Variants in VWA3A observed in about 807,000 individuals in gnomAD.
The protein encoded by VWA3A is von Willebrand factor A domain containing 3A.
In VWA3A, 134 loss-of-function variants were observed where a neutral mutation model predicts 160.4. That is an observed-to-expected ratio of 0.84 (90% confidence interval 0.73 to 0.96). The LOEUF (loss-of-function observed/expected upper bound fraction) is 0.96, where lower values mean the gene tolerates loss of function less well. Among genes scored for constraint, VWA3A ranks in the 40% least tolerant of loss-of-function variants. The pLI is 0.00. For synonymous variants in VWA3A, 476 were observed against 543.4 expected (o/e 0.88, Z 1.72); for missense variants, 1,310 against 1,447.9 (o/e 0.90, Z 1.55).
intron 1 of VWA3A, among the ~76,000 whole-genome samples, chr16:22,093,776 T>C (rs1326304479): frequency 6.6e-6 from 1 of 152,104 alleles, no homozygotes; most frequent in Non-Finnish European, 1.5e-5. Flanking sequence ...TGTTTGTTCG[T>C]TTGTTTGAGA....
chr16:22,119,850 T>C (rs2045703902), intron 12 of VWA3A, among the ~76,000 whole-genome samples: 1 of 151,932 alleles, frequency 6.6e-6, no homozygotes, highest in Admixed American at 6.6e-5. Context: ...AAACCTCGTC[T>C]CTACTAAAAA....
rs1286512158 is a variant in VWA3A, at chr16:22,116,785, C to G, written c.842C>G (p.Ser281Cys). 6.2e-7 allele frequency: 1 copy of G among 1,613,492 alleles called. No homozygotes were observed. Among genetic ancestry groups the G allele is most frequent in the Non-Finnish European group, 8.5e-7 (1 of 1,179,882 alleles). The change falls in exon 10 of 34, where the codon TCT (serine) becomes TGT (cysteine). Residue 281 changes from serine to cysteine, a missense_variant. Ser to Cys is a moderately radical substitution (Grantham distance 112, BLOSUM62 -1). Coordinates refer to ENST00000389398, the MANE Select transcript of VWA3A (RefSeq NM_173615.5). Reference protein sequence around the residue: ...SCPDQPSEILSDYIQQSTMGR... With the variant: ...SCPDQPSEILCDYIQQSTMGR... ...CCAGATCAGCCTTCTGAAATCCTGT[C>G]TGACTACATCCAGCAGTCCACCATG...
intron 16 of VWA3A, 76 bp from the exon 17 acceptor site, chr16:22,126,102 T>C: frequency 1.9e-6 from 3 of 1,589,628 alleles, no homozygotes; most frequent in South Asian, 1.1e-5. Context: ...AAAAAAACTT[T>C]AAATAGTAAA....
chr16:22,121,610 TC>T lies in VWA3A; in HGVS notation c.1351del (p.His451MetfsTer5). ...PILQKTVSSTIHEKAMIQFEW... is the reference protein window; with the variant it reads ...PILQKTVSSTXHEKAMIQFEW... ...CTCCAGAAAACAGTATCATCGACCA[TC>T]CATGAGGTAATTCAGATTCATAATT... On this transcript the variant is annotated frameshift_variant, in exon 14 of 34. Coordinates refer to ENST00000389398, the MANE Select transcript of VWA3A (RefSeq NM_173615.5). LOFTEE classifies it high-confidence loss of function. The T allele has an allele frequency of 6.2e-7, 1 of 1,610,326 alleles. No individual in the cohort carries two copies. The highest frequency in any genetic ancestry group is 8.5e-7 in the Non-Finnish European group (1 of 1,176,774).
Position 22,150,742 on chromosome 16 carries a change from C to A in VWA3A, c.3177C>A (p.Asp1059Glu), listed in dbSNP as rs767703675. The A allele has an allele frequency of 6.2e-7, 1 of 1,612,252 alleles. No homozygotes were observed. The highest frequency in any genetic ancestry group is 8.5e-7 in the Non-Finnish European group (1 of 1,179,138). ...HDLEGLYLLTDGKPDTSCSLV... is the reference protein window; with the variant it reads ...HDLEGLYLLTEGKPDTSCSLV... Reference sequence around the variant, plus strand: ...TGGAAGGATTGTACCTCCTGACCGACGGAAAGCCAGACACAAGCTGCAGCC... The same window carrying A: ...TGGAAGGATTGTACCTCCTGACCGAAGGAAAGCCAGACACAAGCTGCAGCC... Residue 1059 changes from aspartate (D) to glutamate (E), a missense_variant, in exon 30 of 34, where the codon GAC becomes GAA. Transcript: ENST00000389398.
chr16:22,108,232 C>G (rs1274236430), intron 6 of VWA3A, among the ~76,000 whole-genome samples: 1 of 152,072 alleles, frequency 6.6e-6, no homozygotes, highest in Non-Finnish European at 1.5e-5. Flanking sequence ...ACTGAGAGAT[C>G]TATATCTTTT....
intron 29 of VWA3A, among the ~76,000 whole-genome samples, chr16:22,150,237 A>G (rs1567227375): frequency 6.6e-6 from 1 of 152,096 alleles, no homozygotes; most frequent in Non-Finnish European, 1.5e-5. Context: ...CCCCGTCTCT[A>G]CTAAATACAA....
rs1437113972 is a variant in VWA3A, at chr16:22,154,939, C to T, written c.3406-628C>T. On this transcript the variant is annotated intron_variant, in intron 31 of 33. Coordinates refer to ENST00000389398, the MANE Select transcript of VWA3A (RefSeq NM_173615.5). ...ACTGCAGTCCGCAGTCCGGCCTGGG[C>T]GACAGAGCGAGACTCCGTCTCAAAA... 4.5e-5 allele frequency among the ~76,000 whole-genome samples: 5 copies of T among 110,230 alleles called. No individual in the cohort carries two copies. The South Asian group carries it at 9.7e-4, about 21-fold the overall frequency. The allele number at this position is 110,230 out of a possible 152,430, so 72.3% of individuals were successfully genotyped here. A position where few individuals can be genotyped will look rare whatever the true frequency, so the allele number is the denominator to read the frequency against.
chr16:22,092,672 G>A (rs1004664565), intron 1 of VWA3A, 21 bp downstream of exon 1: 1 of 1,550,646 alleles, frequency 6.4e-7, no homozygotes, highest in Non-Finnish European at 8.7e-7. Flanking sequence ...GCATCACAAG[G>A]GTTGACAGGG....
At chr16:22,138,284 C>T (rs1225127749) in intron 21 of VWA3A, 76 bp from the exon 22 acceptor site, 82 of 1,448,718 alleles carry the variant, frequency 5.7e-5, no homozygotes, top group Non-Finnish European at 7.4e-5. Flanking sequence ...GGATACAGTC[C>T]CTCCTGCTGT....
intron 25 of VWA3A, 148 bp downstream of exon 25, chr16:22,142,913 G>A: frequency 1.6e-6 from 1 of 609,714 alleles, no homozygotes; most frequent in Non-Finnish European, 2.9e-6. Flanking sequence ...CACTTTGGGA[G>A]GCTGAGGTGG....
chr16:22,096,469 A>T (rs769592656), intron 1 of VWA3A, among the ~76,000 whole-genome samples: 3 of 152,128 alleles, frequency 2.0e-5, no homozygotes, highest in Non-Finnish European at 4.4e-5. Flanking sequence ...ATAAAATTTT[A>T]AAAATGGCCG....
chr16:22,126,321 G>A, intron 17 of VWA3A, 24 bp downstream of exon 17: 1 of 1,606,296 alleles, frequency 6.2e-7, no homozygotes, highest in South Asian at 1.1e-5. Context: ...GGCTCCTGGG[G>A]GCAAGGGTGG....
At chr16:22,155,026 T>C (rs535327006) in intron 31 of VWA3A, among the ~76,000 whole-genome samples, 5 of 132,026 alleles carry the variant, frequency 3.8e-5, no homozygotes, top group Non-Finnish European at 7.9e-5. Context: ...TGGTGGCACA[T>C]GCCTGTGGTC....
intron 21 of VWA3A, among the ~76,000 whole-genome samples, chr16:22,136,415 T>C (rs866960773): frequency 6.6e-6 from 1 of 151,888 alleles, no homozygotes; most frequent in Non-Finnish European, 1.5e-5. Flanking sequence ...GCCTGTGAGA[T>C]AACAAGTGAG....
chr16:22,155,999 C>A, intron 33 of VWA3A, 33 bp from the exon 34 acceptor site: 2 of 1,450,988 alleles, frequency 1.4e-6, no homozygotes, highest in East Asian at 4.6e-5. Context: ...TCAATAATAA[C>A]TTTGGTTAAA....
intron 8 of VWA3A, among the ~76,000 whole-genome samples, chr16:22,111,596 C>T (rs2045552300): frequency 6.6e-6 from 1 of 152,166 alleles, no homozygotes; most frequent in African/African-American, 2.4e-5. Flanking sequence ...ATTCTCATGC[C>T]TCAGCCTCCT....
intron 17 of VWA3A, among the ~76,000 whole-genome samples, chr16:22,130,004 G>A (rs2045921320): frequency 6.6e-6 from 1 of 152,080 alleles, no homozygotes; most frequent in South Asian, 2.1e-4. Flanking sequence ...CCTGGCCGAC[G>A]TGGTGAAACC....
At chr16:22,107,208 G>T (rs762471276) in intron 6 of VWA3A, among the ~76,000 whole-genome samples, 3 of 152,174 alleles carry the variant, frequency 2.0e-5, no homozygotes, top group Non-Finnish European at 2.9e-5. Context: ...TCCACCAGGG[G>T]TGATTTTGCC....
Sources: gnomAD v4.1 joint callset for allele counts (sites outside exome capture counted in the v4.1 genomes callset) on GRCh38, gnomAD v4.1.1 for gene constraint, MANE v1.5 for transcripts, NCBI Gene and HGNC (gene_info 2026-07-23, HGNC 2026-07-21) for gene names.